The following TMEM117 variants were observed in gnomAD, a reference collection of about 807,000 sequenced individuals.
The protein encoded by TMEM117 is transmembrane protein 117.
In TMEM117, 27 loss-of-function variants were observed where a neutral mutation model predicts 52.4. The observed-to-expected ratio is 0.51, with a 90% CI of 0.38 to 0.71. The LOEUF (loss-of-function observed/expected upper bound fraction) is 0.71. Among genes scored for constraint, TMEM117 ranks in the 30% least tolerant of loss-of-function variants. The pLI, the probability that TMEM117 is intolerant of heterozygous loss-of-function variation, is 0.00. For synonymous variants in TMEM117, 215 were observed against 206.3 expected (o/e 1.04, Z -0.36); for missense variants, 556 against 630.5 (o/e 0.88, Z 1.26).
At chr12:43,935,182 A>G (rs1592375259) in intron 2 of TMEM117, among the ~76,000 whole-genome samples, 2 of 152,118 alleles carry the variant, frequency 1.3e-5, no homozygotes, top group East Asian at 3.9e-4. Flanking sequence ...AATTTTTTGT[A>G]TTAGAGACAG....
intron 6 of TMEM117, among the ~76,000 whole-genome samples, chr12:44,345,182 C>T (rs1440617409): frequency 6.6e-6 from 1 of 152,032 alleles, no homozygotes; most frequent in Admixed American, 6.6e-5. Context: ...GGGGTTCCAT[C>T]CATGCCAGTG....
At chr12:43,800,450 T>C in the TMEM117 span, 1 of 1,612,818 alleles carries the variant, frequency 6.2e-7, no homozygotes, top group Non-Finnish European at 8.5e-7. Context: ...CTGTTCCAAA[T>C]ACTTCATCTT....
At chr12:43,987,762 A>G (rs1344871975) in intron 3 of TMEM117, among the ~76,000 whole-genome samples, 1 of 152,188 alleles carries the variant, frequency 6.6e-6, no homozygotes, top group East Asian at 1.9e-4. Context: ...AAAAACATGT[A>G]CATTAATCAT....
intron 5 of TMEM117, chr12:44,263,577 G>C (rs1270300974): frequency 6.6e-6 from 1 of 152,142 alleles, no homozygotes; most frequent in Non-Finnish European, 1.5e-5. Flanking sequence ...CAATAGCAAA[G>C]ACTTGGAACC....
At chr12:44,152,555 AATATTT>A (rs1217667574) in intron 4 of TMEM117, among the ~76,000 whole-genome samples, 1 of 120,464 alleles carries the variant, frequency 8.3e-6, no homozygotes, top group Non-Finnish European at 1.6e-5. Flanking sequence ...TTTTATATAT[AATATTT>A]ATATCATATA....
intron 2 of TMEM117, among the ~76,000 whole-genome samples, chr12:43,891,048 A>G (rs1314325638): frequency 2.6e-5 from 4 of 152,102 alleles, no homozygotes; most frequent in Admixed American, 2.6e-4. Context: ...GTGGAGGGCC[A>G]TCCTCCTCCA....
chr12:44,129,538 A>C (rs1315543241), intron 3 of TMEM117, among the ~76,000 whole-genome samples: 1 of 152,186 alleles, frequency 6.6e-6, no homozygotes, highest in Non-Finnish European at 1.5e-5. Flanking sequence ...AAATTACCAA[A>C]GTGATTCCTC....
chr12:44,184,980 A>G (rs1402283714), intron 4 of TMEM117, among the ~76,000 whole-genome samples: 1 of 152,084 alleles, frequency 6.6e-6, no homozygotes, highest in Non-Finnish European at 1.5e-5. Flanking sequence ...CTTATTCCTT[A>G]AGGTAAGCCC....
At chr12:44,171,013 CTTT>C (rs757855409) in intron 4 of TMEM117, among the ~76,000 whole-genome samples, 70 of 132,122 alleles carry the variant, frequency 5.3e-4, no homozygotes, top group African/African-American at 1.5e-3. Flanking sequence ...TAACAAATAT[CTTT>C]TTTTTTTTTT....
the TMEM117 span, among the ~76,000 whole-genome samples, chr12:43,802,993 A>C: frequency 1.3e-5 from 2 of 152,180 alleles, no homozygotes; most frequent in African/African-American, 4.8e-5. Context: ...CAGCAGAATC[A>C]AGTAAAACTG....
intron 1 of TMEM117, among the ~76,000 whole-genome samples, chr12:43,840,988 CT>C (rs975454736): frequency 3.3e-5 from 5 of 152,084 alleles, no homozygotes; most frequent in African/African-American, 1.2e-4. Flanking sequence ...ACCTAAGGAA[CT>C]AGAAAGTAGG....
At chr12:43,893,863 C>A (rs568030579) in intron 2 of TMEM117, among the ~76,000 whole-genome samples, 3 of 152,170 alleles carry the variant, frequency 2.0e-5, no homozygotes, top group African/African-American at 7.2e-5. Context: ...GCTGAAGTAG[C>A]TGGGACTAGA....
intron 6 of TMEM117, among the ~76,000 whole-genome samples, chr12:44,350,769 T>C (rs1393595463): frequency 3.3e-5 from 5 of 152,080 alleles, no homozygotes; most frequent in African/African-American, 1.2e-4. Flanking sequence ...CATCTGCTAA[T>C]GGACACATAA....
rs571401093 is a variant in TMEM117 at position 44,332,171 on chromosome 12, C to T, written c.768+32432C>T. Among the ~76,000 whole-genome samples the T allele has an allele frequency of 1.6e-3, 243 of 152,174 alleles. 3 individuals are homozygous for T. Among genetic ancestry groups the T allele is most frequent in the African/African-American group, 5.4e-3 (226 of 41,556 alleles). On this transcript the variant is annotated intron_variant, in intron 6 of 7. Transcript: ENST00000266534. ...CTCTGGCACACTGGCTATATTTAAC[C>T]TCTCTGGGTTCCAGTTTCCCATATC... is the stretch of plus-strand genomic sequence containing the variant.
intron 6 of TMEM117, among the ~76,000 whole-genome samples, chr12:44,370,243 C>G (rs1159046158): frequency 6.6e-6 from 1 of 152,174 alleles, no homozygotes; most frequent in Non-Finnish European, 1.5e-5. Flanking sequence ...CCTCTTCTCA[C>G]AATATTTACA....
intron 5 of TMEM117, among the ~76,000 whole-genome samples, chr12:44,299,213 C>T (rs1326671926): frequency 1.3e-5 from 2 of 149,704 alleles, no homozygotes; most frequent in Non-Finnish European, 3.0e-5. Context: ...TCACTGCAAA[C>T]TCCACCTCCC....
intron 3 of TMEM117, among the ~76,000 whole-genome samples, chr12:44,036,096 G>A (rs1946705816): frequency 6.6e-6 from 1 of 152,050 alleles, no homozygotes; most frequent in South Asian, 2.1e-4. Flanking sequence ...AAAGTTTCTA[G>A]ATCACAGAGA....
chr12:44,165,324 A>C (rs957342856), intron 4 of TMEM117, among the ~76,000 whole-genome samples: 24 of 152,218 alleles, frequency 1.6e-4, no homozygotes, highest in African/African-American at 5.8e-4. Context: ...ACATAAAACA[A>C]CCAGAAAACA....
At chr12:44,226,965 C>T (rs564651596) in intron 5 of TMEM117, among the ~76,000 whole-genome samples, 14 of 152,096 alleles carry the variant, frequency 9.2e-5, no homozygotes, top group African/African-American at 3.1e-4. Context: ...CCAATTAATC[C>T]CAATCGCCAA....
Sources: allele counts gnomAD v4.1 joint callset (sites outside exome capture counted in the v4.1 genomes callset), GRCh38; gene constraint gnomAD v4.1.1; transcripts MANE v1.5; gene names NCBI Gene and HGNC (gene_info 2026-07-23, HGNC 2026-07-21).